Variants in GREB1L observed in about 807,000 individuals in gnomAD.
GREB1L encodes the protein GREB1-like protein.
A neutral mutation model predicts 200.8 loss-of-function variants in GREB1L; 17 were observed. The observed-to-expected ratio is 0.08, with a 90% CI of 0.06 to 0.13. The LOEUF (loss-of-function observed/expected upper bound fraction) is 0.13. Ranked by LOEUF, GREB1L falls within the 10% of genes least tolerant of loss-of-function variation. GREB1L has a pLI of 1.00. For synonymous variants in GREB1L, 789 were observed against 893.0 expected (o/e 0.88, Z 2.08); for missense variants, 1,657 against 2,367.7 (o/e 0.70, Z 6.23).
intron 1 of GREB1L, among the ~76,000 whole-genome samples, chr18:21,339,932 C>T (rs1354791343): frequency 6.6e-6 from 1 of 152,106 alleles, no homozygotes; most frequent in African/African-American, 2.4e-5. Context: ...TTGACAAAAC[C>T]CAAGTCCACC....
intron 1 of GREB1L, among the ~76,000 whole-genome samples, chr18:21,348,059 C>T (rs2039377782): frequency 6.6e-6 from 1 of 150,848 alleles, no homozygotes; most frequent in African/African-American, 2.4e-5. Flanking sequence ...ATTCTCCTGC[C>T]TCAGCCTCCC....
At chr18:21,249,812 A>G (rs2037671180) in intron 1 of GREB1L, among the ~76,000 whole-genome samples, 2 of 151,772 alleles carry the variant, frequency 1.3e-5, no homozygotes, top group Non-Finnish European at 2.9e-5. Context: ...GTGAGCTGAG[A>G]TTGCGCCATT....
intron 1 of GREB1L, among the ~76,000 whole-genome samples, chr18:21,266,842 C>G (rs560212292): frequency 2.0e-5 from 3 of 152,144 alleles, no homozygotes; most frequent in Non-Finnish European, 4.4e-5. Flanking sequence ...GTTAGATGGC[C>G]TCCTGGATTT....
intron 7 of GREB1L, among the ~76,000 whole-genome samples, chr18:21,406,821 G>A (rs996049487): frequency 6.7e-6 from 1 of 149,084 alleles, no homozygotes; most frequent in African/African-American, 2.5e-5. Context: ...TATATATTCT[G>A]TTCTGGCTGG....
In GREB1L at chr18:21,474,294, G is replaced by A. The variant is rs1371900218; in HGVS notation, c.2363+1083G>A. 2.0e-5 allele frequency among the ~76,000 whole-genome samples: 3 copies of A among 152,196 alleles called. No homozygotes were observed. The East Asian group carries it at 5.8e-4, about 29-fold the overall frequency. ...AAGCAAGTTAGTTACTTCCTAGATA[G>A]AATGGGGGTACAGGCATTGGATAAA... On this transcript the variant is annotated intron_variant, in intron 16 of 32. Coordinates refer to ENST00000424526, the MANE Select transcript of GREB1L (RefSeq NM_001142966.3).
At chr18:21,329,405 T>C (rs1274308445) in intron 1 of GREB1L, among the ~76,000 whole-genome samples, 1 of 150,122 alleles carries the variant, frequency 6.7e-6, no homozygotes, top group East Asian at 1.9e-4. Context: ...AAGGGCAAAA[T>C]AATGAAATGT....
At chr18:21,484,675 T>C (rs1192873340) in intron 17 of GREB1L, among the ~76,000 whole-genome samples, 1 of 152,030 alleles carries the variant, frequency 6.6e-6, no homozygotes, top group East Asian at 1.9e-4. Flanking sequence ...AAAAAGAAAT[T>C]AGCTGGGCGT....
chr18:21,401,115 A>G, intron 5 of GREB1L, 35 bp from the exon 6 acceptor site: 1 of 1,503,974 alleles, frequency 6.6e-7, no homozygotes, highest in Non-Finnish European at 9.1e-7. Flanking sequence ...ATCAACTTAC[A>G]AGGCCATTAG....
intron 1 of GREB1L, among the ~76,000 whole-genome samples, chr18:21,329,463 A>G (rs2039074113): frequency 6.6e-6 from 1 of 150,524 alleles, no homozygotes; most frequent in Non-Finnish European, 1.5e-5. Context: ...TTTTTTTCTC[A>G]TGAATGATTT....
intron 1 of GREB1L, among the ~76,000 whole-genome samples, chr18:21,260,840 ACT>A (rs1239741858): frequency 6.6e-6 from 1 of 151,672 alleles, no homozygotes; most frequent in African/African-American, 2.4e-5. Flanking sequence ...TATCTTAGAG[ACT>A]CTAAAGTTGA....
intron 1 of GREB1L, among the ~76,000 whole-genome samples, chr18:21,352,921 C>G (rs1483574838): frequency 1.3e-5 from 2 of 151,796 alleles, no homozygotes; most frequent in African/African-American, 4.8e-5. Flanking sequence ...ATGGCTCACG[C>G]CTGTAATCCC....
intron 1 of GREB1L, among the ~76,000 whole-genome samples, chr18:21,358,854 A>G (rs2039543715): frequency 6.6e-6 from 1 of 152,246 alleles, no homozygotes; most frequent in Non-Finnish European, 1.5e-5. Flanking sequence ...TGAAAAGATA[A>G]TAACTTCACA....
intron 19 of GREB1L, among the ~76,000 whole-genome samples, chr18:21,491,527 G>A (rs2036333762): frequency 2.0e-5 from 3 of 151,942 alleles, no homozygotes; most frequent in African/African-American, 7.3e-5. Context: ...GGCTAACATG[G>A]TGAAACCCCG....
At chr18:21,248,911 A>G (rs1337055184) in intron 1 of GREB1L, among the ~76,000 whole-genome samples, 3 of 152,238 alleles carry the variant, frequency 2.0e-5, no homozygotes, top group Non-Finnish European at 4.4e-5. Flanking sequence ...TCTGTTGGAC[A>G]GTGCTGGTCT....
intron 7 of GREB1L, among the ~76,000 whole-genome samples, chr18:21,431,198 A>G (rs2033125802): frequency 6.6e-6 from 1 of 150,710 alleles, no homozygotes. Flanking sequence ...ATTTTTTTGT[A>G]TTTTTTAGTA....
At chr18:21,512,480 G>A (rs1199485820) in intron 27 of GREB1L, among the ~76,000 whole-genome samples, 1 of 152,070 alleles carries the variant, frequency 6.6e-6, no homozygotes, top group Non-Finnish European at 1.5e-5. Context: ...TCACAGTTGA[G>A]GTATAGAAAT....
chr18:21,441,249 T>C, intron 9 of GREB1L, 151 bp from the exon 10 acceptor site: 1 of 590,820 alleles, frequency 1.7e-6, no homozygotes, highest in Non-Finnish European at 2.6e-6. Context: ...TTTTTTTCAC[T>C]TATCACTTTA....
At chr18:21,467,148 T>G (rs1193693233) in intron 15 of GREB1L, among the ~76,000 whole-genome samples, 2 of 152,200 alleles carry the variant, frequency 1.3e-5, no homozygotes, top group African/African-American at 2.4e-5. Flanking sequence ...TACAAAATTC[T>G]TAGAAGAAAA....
chr18:21,471,391 C>CT, intron 15 of GREB1L, among the ~76,000 whole-genome samples: 1 of 152,130 alleles, frequency 6.6e-6, no homozygotes, highest in East Asian at 1.9e-4. Flanking sequence ...TAAGTAGGTT[C>CT]TTTTGTCTAA....
Sources: allele counts gnomAD v4.1 joint callset (sites outside exome capture counted in the v4.1 genomes callset), GRCh38; gene constraint gnomAD v4.1.1; transcripts MANE v1.5; gene names NCBI Gene and HGNC (gene_info 2026-07-23, HGNC 2026-07-21).